The following TMEM45A variants were observed in gnomAD, a reference collection of about 807,000 sequenced individuals.
The protein encoded by TMEM45A is transmembrane protein 45A, also known as DNA polymerase-transactivated protein 4.
TMEM45A carries 25 observed loss-of-function variants against 32.0 expected under a neutral mutation model. That is an observed-to-expected ratio of 0.78 (90% confidence interval 0.57 to 1.09). The LOEUF (loss-of-function observed/expected upper bound fraction) is 1.09, where lower values mean the gene tolerates loss of function less well. TMEM45A is among the 50% of genes least tolerant of loss of function. The pLI, the probability that TMEM45A is intolerant of heterozygous loss-of-function variation, is 0.00. For missense variants in TMEM45A, 302 were observed against 325.0 expected (o/e 0.93, Z 0.54); for synonymous variants, 122 against 114.8 (o/e 1.06, Z -0.40).
chr3:100,572,247 C>T (rs1400821973), intron 5 of TMEM45A: 1 of 152,168 alleles, frequency 6.6e-6, no homozygotes, highest in East Asian at 1.9e-4. Context: ...TTCTCCACAA[C>T]CTCTCCAGCA....
intron 1 of TMEM45A, among the ~76,000 whole-genome samples, chr3:100,531,426 A>G (rs1559642146): frequency 1.3e-5 from 2 of 152,230 alleles, no homozygotes; most frequent in Non-Finnish European, 2.9e-5. Flanking sequence ...CATCTATTGA[A>G]GTTAAATCAA....
intron 1 of TMEM45A, among the ~76,000 whole-genome samples, chr3:100,541,524 C>CT (rs61341173): frequency 0.053 from 5,870 of 111,234 alleles, 284 homozygotes; most frequent in Non-Finnish European, 0.074. Context: ...CTTTTCTTTC[C>CT]TTTTTTTTTT....
Position 100,575,619 on chromosome 3 carries a change from G to A in TMEM45A, c.735-1306G>A, listed in dbSNP as rs149777068. Among the ~76,000 whole-genome samples the A allele has an allele frequency of 3.1e-3, 473 of 152,244 alleles. 4 individuals carry two copies. Among genetic ancestry groups the A allele is most frequent in the African/African-American group, 8.6e-3 (358 of 41,570 alleles). On this transcript the variant is annotated intron_variant, in intron 5 of 5. Coordinates refer to ENST00000323523, the MANE Select transcript of TMEM45A (RefSeq NM_018004.3). ...ACTCTTGACCACAGGCGATCTGCCCGCCTTGCCTCCCACAGTGCTGGGATT... is the reference window on the plus strand; with the variant it reads ...ACTCTTGACCACAGGCGATCTGCCCACCTTGCCTCCCACAGTGCTGGGATT...
chr3:100,513,425 AC>A (rs1308370639), intron 1 of TMEM45A, among the ~76,000 whole-genome samples: 67 of 149,740 alleles, frequency 4.5e-4, no homozygotes, highest in African/African-American at 1.4e-3. Context: ...AAATTCAACA[AC>A]CCTTCATGCT....
chr3:100,575,296 CTAA>C (rs1378693776), intron 5 of TMEM45A, among the ~76,000 whole-genome samples: 1 of 151,130 alleles, frequency 6.6e-6, no homozygotes, highest in African/African-American at 2.4e-5. Context: ...GCTTCAGCTG[CTAA>C]TCAGTGTCAC....
In TMEM45A at chr3:100,575,363, C is replaced by CTCTTTTTTTTTT. The variant is rs1706660425; in HGVS notation, c.735-1561_735-1560insCTTTTTTTTTTT. Among the ~76,000 whole-genome samples, 127 of 62,766 alleles carry CTCTTTTTTTTTT rather than the reference C, an allele frequency of 2.0e-3. 6 individuals carry two copies. The highest frequency in any genetic ancestry group is 6.4e-3 in the African/African-American group (119 of 18,636). 41.2% of individuals were successfully genotyped at this position (62,766 alleles called of 152,430 possible). Reference sequence around the variant, plus strand: ...TGCTTCCCCCAGGCCTATGGATTCTCTTTTTTTTTTTTTTTTTTTTTTTTT... The same window carrying CTCTTTTTTTTTT: ...TGCTTCCCCCAGGCCTATGGATTCTCTCTTTTTTTTTTTTTTTTTTTTTTTTTTTTTTTTTTT... On this transcript the variant is annotated intron_variant, in intron 5 of 5. Coordinates refer to ENST00000323523, the MANE Select transcript of TMEM45A (RefSeq NM_018004.3).
chr3:100,552,399 C>A (rs1052023992), intron 1 of TMEM45A, among the ~76,000 whole-genome samples: 5 of 152,148 alleles, frequency 3.3e-5, no homozygotes, highest in Admixed American at 3.3e-4. Flanking sequence ...GTAATAGGGA[C>A]CCTCCCCTAT....
At chr3:100,513,243 C>A (rs1292597930) in intron 1 of TMEM45A, among the ~76,000 whole-genome samples, 1 of 151,780 alleles carries the variant, frequency 6.6e-6, no homozygotes, top group African/African-American at 2.4e-5. Context: ...ACTGGCAAAC[C>A]GAATCCAGCA....
chr3:100,549,631 A>G (rs1281762563), intron 1 of TMEM45A, among the ~76,000 whole-genome samples: 2 of 152,220 alleles, frequency 1.3e-5, no homozygotes, highest in Non-Finnish European at 2.9e-5. Flanking sequence ...CATGCTAGAA[A>G]GATAGGAGCA....
chr3:100,493,701 A>G (rs1707883692), intron 1 of TMEM45A, among the ~76,000 whole-genome samples: 2 of 151,916 alleles, frequency 1.3e-5, no homozygotes, highest in African/African-American at 4.8e-5. Context: ...AGTATACTCT[A>G]TATACGCTAT....
At chr3:100,562,970 A>G (rs1706365340) in intron 4 of TMEM45A, among the ~76,000 whole-genome samples, 1 of 152,186 alleles carries the variant, frequency 6.6e-6, no homozygotes, top group Non-Finnish European at 1.5e-5. Context: ...CAACTGTTGT[A>G]TTAGTTTCCT....
rs1050891586 is a variant in TMEM45A at position 100,499,416 on chromosome 3, T to C, written c.-4+6488T>C. On this transcript the variant is annotated intron_variant, in intron 1 of 5. Coordinates refer to ENST00000323523, the MANE Select transcript of TMEM45A (RefSeq NM_018004.3). ...TCACCTTCATTCTTTTGCATGTGGA[T>C]AGTTAAGCAATTCATTAATAATTTT... Among the ~76,000 whole-genome samples the C allele has an allele frequency of 7.2e-5, 11 of 152,382 alleles. No individual in the cohort carries two copies. The South Asian group carries it at 1.9e-3, about 26-fold the overall frequency.
intron 4 of TMEM45A, among the ~76,000 whole-genome samples, chr3:100,563,576 T>A (rs764420889): frequency 2.6e-5 from 4 of 152,170 alleles, no homozygotes; most frequent in Non-Finnish European, 4.4e-5. Flanking sequence ...AATTCTCCTT[T>A]CTACACAGAA....
rs774897689 is a variant in TMEM45A at position 100,560,261 on chromosome 3, C to CTCTCT, written c.588+1673_588+1674insCTCTT. Among the ~76,000 whole-genome samples the CTCTCT allele has an allele frequency of 9.2e-3, 1,327 of 143,614 alleles. 18 individuals are homozygous for CTCTCT. The highest frequency in any genetic ancestry group is 0.033 in the African/African-American group (1,280 of 38,928). The allele number at this position is 143,614 out of a possible 152,430, so 94.2% of individuals were successfully genotyped here. A position where few individuals can be genotyped will look rare whatever the true frequency, so the allele number is the denominator to read the frequency against. On this transcript the variant is annotated intron_variant, in intron 4 of 5. Coordinates refer to ENST00000323523, the MANE Select transcript of TMEM45A (RefSeq NM_018004.3). The stretch of plus-strand genomic sequence containing the variant: ...CTGTTTTCTGCTTCTCTCTCTCTCT[C>CTCTCT]TTTTTTTTTTTTTGAGTTAGATGCT...
At chr3:100,512,790 G>A (rs1303061310) in intron 1 of TMEM45A, among the ~76,000 whole-genome samples, 1 of 150,858 alleles carries the variant, frequency 6.6e-6, no homozygotes, top group Non-Finnish European at 1.5e-5. Context: ...TGATAAAGGG[G>A]ATATCACCAC....
chr3:100,546,344 T>C (rs562171949), intron 1 of TMEM45A, among the ~76,000 whole-genome samples: 1 of 152,354 alleles, frequency 6.6e-6, no homozygotes, highest in Non-Finnish European at 1.5e-5. Flanking sequence ...AATTTTGTAG[T>C]AGTTTGTTAC....
chr3:100,513,841 CAGAG>C (rs961907925), intron 1 of TMEM45A, among the ~76,000 whole-genome samples: 1 of 152,090 alleles, frequency 6.6e-6, no homozygotes, highest in Non-Finnish European at 1.5e-5. Flanking sequence ...AACAGACAAA[CAGAG>C]AGCCAAATCA....
intron 1 of TMEM45A, among the ~76,000 whole-genome samples, chr3:100,502,466 A>G (rs972484645): frequency 2.6e-5 from 4 of 152,060 alleles, no homozygotes; most frequent in African/African-American, 9.7e-5. Context: ...GTATCTATCG[A>G]TCTATCAATT....
chr3:100,564,565 C>T (rs190426696), intron 4 of TMEM45A, among the ~76,000 whole-genome samples: 89 of 151,940 alleles, frequency 5.9e-4, no homozygotes, highest in South Asian at 2.7e-3. Context: ...CTCACTGCCA[C>T]CTCCACCTCC....
Sources: allele counts gnomAD v4.1 joint callset (sites outside exome capture counted in the v4.1 genomes callset), GRCh38; gene constraint gnomAD v4.1.1; transcripts MANE v1.5; gene names NCBI Gene and HGNC (gene_info 2026-07-23, HGNC 2026-07-21).